ATXN1: variants seen among roughly 807,000 people sequenced by gnomAD.
ATXN1 encodes ataxin 1.
In ATXN1, 8 loss-of-function variants were observed where a neutral mutation model predicts 56.4. The ratio of observed to expected loss-of-function variants is 0.14; its 90% CI spans 0.08 to 0.26. The LOEUF is 0.26. Ranked by LOEUF, ATXN1 falls within the 10% of genes least tolerant of loss-of-function variation. ATXN1 has a pLI of 1.00. For synonymous variants in ATXN1, 514 were observed against 494.6 expected, an observed-to-expected ratio of 1.04 and a Z score of -0.52; for missense variants, 987 against 1,106.5, an observed-to-expected ratio of 0.89 and a Z score of 1.53.
At chr6:16,703,781 A>C (rs1759343649) in intron 2 of ATXN1, among the ~76,000 whole-genome samples, 1 of 152,210 alleles carries the variant, frequency 6.6e-6, no homozygotes, top group African/African-American at 2.4e-5. Context: ...GCACTTTGGG[A>C]GGCCGAGGCG....
At chr6:16,505,211 G>C (rs78735808) in intron 5 of ATXN1, among the ~76,000 whole-genome samples, 5,824 of 152,084 alleles carry the variant, frequency 0.038, 374 homozygotes, top group African/African-American at 0.13. Flanking sequence ...CTCAGTCCTT[G>C]CCTGAAAGAA....
chr6:16,435,602 C>T (rs187566619), intron 6 of ATXN1, among the ~76,000 whole-genome samples: 262 of 152,028 alleles, frequency 1.7e-3, no homozygotes, highest in Non-Finnish European at 1.4e-3. Flanking sequence ...TAAAAACACA[C>T]AACTGGTCCA....
chr6:16,363,657 C>T (rs1561867796), intron 6 of ATXN1, among the ~76,000 whole-genome samples: 1 of 152,308 alleles, frequency 6.6e-6, no homozygotes, highest in East Asian at 1.9e-4. Context: ...ATGGCTCCCA[C>T]CCGTACCGTT....
At chr6:16,610,175 T>A (rs892808639) in intron 3 of ATXN1, among the ~76,000 whole-genome samples, 4 of 152,014 alleles carry the variant, frequency 2.6e-5, no homozygotes, top group Non-Finnish European at 5.9e-5. Flanking sequence ...GATTGATGCA[T>A]AGTCAAAGTA....
At chr6:16,653,000 A>G (rs907427516) in intron 3 of ATXN1, 2 of 152,230 alleles carry the variant, frequency 1.3e-5, no homozygotes, top group African/African-American at 4.8e-5. Context: ...AACTGAACTA[A>G]GCAACAGCCA....
rs955707185 is a variant in ATXN1, at chr6:16,665,485, C to T, written c.-614-7584G>A. On this transcript the variant is annotated intron_variant, in intron 2 of 7. Coordinates refer to ENST00000436367, the MANE Select transcript of ATXN1 (RefSeq NM_001128164.2). Reference sequence around the variant, plus strand: ...TGGGAATGGAATAGGTAAATAATGTCTTAGTATTACCATAAAAATAATCTT... The same window carrying T: ...TGGGAATGGAATAGGTAAATAATGTTTTAGTATTACCATAAAAATAATCTT... Among the ~76,000 whole-genome samples the T allele has an allele frequency of 2.3e-5, 3 of 129,744 alleles. No individual in the cohort carries two copies. In the Admixed American group the frequency reaches 2.9e-4, roughly 13 times the overall value. 85.1% of individuals were successfully genotyped at this position (129,744 alleles called of 152,430 possible).
At chr6:16,697,731 C>T (rs1171920093) in intron 2 of ATXN1, among the ~76,000 whole-genome samples, 1 of 151,960 alleles carries the variant, frequency 6.6e-6, no homozygotes, top group African/African-American at 2.4e-5. Flanking sequence ...AGGAACCAAA[C>T]ATTTCTTCCT....
intron 6 of ATXN1, among the ~76,000 whole-genome samples, chr6:16,429,377 T>TTAAA (rs5874556): frequency 7.5e-6 from 1 of 133,206 alleles, no homozygotes; most frequent in African/African-American, 2.8e-5. Flanking sequence ...CTTTTAGCAT[T>TTAAA]AAAAAAAAAA....
chr6:16,628,678 C>T (rs1763450130), intron 3 of ATXN1, among the ~76,000 whole-genome samples: 2 of 152,170 alleles, frequency 1.3e-5, no homozygotes, highest in South Asian at 4.1e-4. Flanking sequence ...CATGAGTTCT[C>T]ATCATTTAGC....
chr6:16,350,539 C>T (rs1005234878), intron 6 of ATXN1, among the ~76,000 whole-genome samples: 3 of 152,250 alleles, frequency 2.0e-5, no homozygotes, highest in African/African-American at 7.2e-5. Flanking sequence ...CTATATCCAG[C>T]GACTCCCCTA....
chr6:16,636,330 C>A (rs1223567572), intron 3 of ATXN1, among the ~76,000 whole-genome samples: 3 of 144,826 alleles, frequency 2.1e-5, no homozygotes, highest in African/African-American at 7.9e-5. Flanking sequence ...TGACCACTCT[C>A]CTCCTCCCAA....
intron 4 of ATXN1, among the ~76,000 whole-genome samples, chr6:16,562,451 A>AAAAGGAAAGG (rs1163313957): frequency 1.1e-4 from 10 of 90,562 alleles, no homozygotes; most frequent in African/African-American, 5.5e-4. Flanking sequence ...GAAAAGAAAG[A>AAAAGGAAAGG]AAAGGAGAGG....
chr6:16,754,875 G>T (rs1398145380), intron 1 of ATXN1: 2 of 152,132 alleles, frequency 1.3e-5, no homozygotes, highest in African/African-American at 4.8e-5. Flanking sequence ...TTAAGTAGAA[G>T]TTGACAAAAT....
chr6:16,622,400 T>C (rs1014292406), intron 3 of ATXN1, among the ~76,000 whole-genome samples: 1 of 152,174 alleles, frequency 6.6e-6, no homozygotes, highest in Non-Finnish European at 1.5e-5. Context: ...GGTGGTCTCA[T>C]AACGATAACC....
intron 3 of ATXN1, among the ~76,000 whole-genome samples, chr6:16,608,468 C>T (rs375087892): frequency 9.2e-5 from 14 of 152,182 alleles, no homozygotes; most frequent in African/African-American, 3.1e-4. Context: ...TATTCAAAGA[C>T]GTGTGACACT....
rs370874989 is a variant in ATXN1 at position 16,328,233 on chromosome 6, G to A, written c.78C>T (p.Ser26=). 1.7e-5 allele frequency: 27 copies of A among 1,571,658 alleles called. No homozygotes were observed. The highest frequency in any genetic ancestry group is 4.1e-5 in the African/African-American group (3 of 73,608). The change falls in exon 7 of 8, where the codon TCC becomes TCT. Residue 26 remains serine (S), a synonymous_variant. Transcript: ENST00000436367. This position sits in a 1 kb window ranked among gnomAD's most constrained non-coding sequence, Gnocchi z 6.2. ...TGGGCAGGGTAGGGGCCTTCTCCTC[G>A]GAGGACCGGCTGGTGGCGGGGATCT... ...KREIPATSRS[S]EEKAPTLPSD...
At chr6:16,511,750 G>C (rs767191800) in intron 5 of ATXN1, among the ~76,000 whole-genome samples, 3 of 152,164 alleles carry the variant, frequency 2.0e-5, no homozygotes. Context: ...CAAGTTGATA[G>C]TCCACCCATT....
intron 3 of ATXN1, among the ~76,000 whole-genome samples, chr6:16,600,131 G>C (rs527405916): frequency 2.6e-4 from 39 of 152,200 alleles, no homozygotes; most frequent in African/African-American, 9.2e-4. Context: ...ATGTATCTGT[G>C]GTAGGTTTAA....
At chr6:16,381,363 C>T (rs1232443615) in intron 6 of ATXN1, among the ~76,000 whole-genome samples, 1 of 152,154 alleles carries the variant, frequency 6.6e-6, no homozygotes, top group Non-Finnish European at 1.5e-5. Context: ...GAGCCACATG[C>T]TAAGGAGCCA....
Sources: allele counts gnomAD v4.1 joint callset (sites outside exome capture counted in the v4.1 genomes callset), GRCh38; gene constraint gnomAD v4.1.1; non-coding constraint Gnocchi (gnomAD v3.1); transcripts MANE v1.5; gene names NCBI Gene and HGNC (gene_info 2026-07-23, HGNC 2026-07-21).